CPNE8: variants seen among roughly 807,000 people sequenced by gnomAD.
The protein encoded by CPNE8 is copine-8.
A neutral mutation model predicts 81.5 loss-of-function variants in CPNE8; 45 were observed. The observed-to-expected ratio is 0.55, with a 90% CI of 0.44 to 0.71. The LOEUF is 0.71. Ranked by LOEUF, CPNE8 falls within the 30% of genes least tolerant of loss-of-function variation. The probability of loss-of-function intolerance (pLI) is 0.00; values close to 1 mark genes in which losing one functional copy is unlikely to be tolerated. For missense variants in CPNE8, 594 were observed against 672.1 expected, an observed-to-expected ratio of 0.88 and a Z score of 1.28; for synonymous variants, 252 against 226.3, an observed-to-expected ratio of 1.11 and a Z score of -1.02.
chr12:38,830,641 T>C (rs2137024190), intron 5 of CPNE8, among the ~76,000 whole-genome samples: 1 of 152,306 alleles, frequency 6.6e-6, no homozygotes, highest in East Asian at 1.9e-4. Context: ...CTAAGAAGGA[T>C]GGACAGAGAG....
At chr12:38,750,331 T>C (rs826866) in intron 10 of CPNE8, among the ~76,000 whole-genome samples, 19,939 of 152,152 alleles carry the variant, frequency 0.13, 1,602 homozygotes, top group East Asian at 0.26. Context: ...ACTGGGGCAC[T>C]ACCTAGTGGA....
At chr12:38,693,046 G>A (rs1281114092) in intron 15 of CPNE8, among the ~76,000 whole-genome samples, 4 of 152,134 alleles carry the variant, frequency 2.6e-5, no homozygotes, top group South Asian at 2.1e-4. Flanking sequence ...CAGGCCATAT[G>A]TAAAACAAGG....
intron 6 of CPNE8, among the ~76,000 whole-genome samples, chr12:38,801,828 G>T (rs1290236045): frequency 9.8e-6 from 1 of 102,064 alleles, no homozygotes; most frequent in Non-Finnish European, 2.0e-5. Flanking sequence ...CCAAGCCAAT[G>T]GAAAACAAAA....
At chr12:38,704,880 G>A (rs1402363539) in intron 13 of CPNE8, among the ~76,000 whole-genome samples, 2 of 95,452 alleles carry the variant, frequency 2.1e-5, no homozygotes, top group African/African-American at 3.6e-5. Context: ...TTCGGCACAT[G>A]GTTGTTACCC....
At chr12:38,777,997 G>A (rs1449408647) in intron 6 of CPNE8, among the ~76,000 whole-genome samples, 3 of 152,170 alleles carry the variant, frequency 2.0e-5, no homozygotes, top group African/African-American at 7.2e-5. Context: ...TCTAATGCCT[G>A]ATGATCTGTC....
At chr12:38,698,851 T>G (rs1216869381) in intron 14 of CPNE8, among the ~76,000 whole-genome samples, 4 of 152,248 alleles carry the variant, frequency 2.6e-5, no homozygotes, top group Non-Finnish European at 4.4e-5. Context: ...TTCAATGTTC[T>G]TTTTCAAGTT....
chr12:38,830,426 A>G (rs188486504), intron 5 of CPNE8, among the ~76,000 whole-genome samples: 4 of 152,340 alleles, frequency 2.6e-5, no homozygotes, highest in East Asian at 3.9e-4. Context: ...TTTAAATACC[A>G]TAAGTACAGT....
intron 1 of CPNE8, among the ~76,000 whole-genome samples, chr12:38,902,350 A>G (rs1476416954): frequency 1.0e-5 from 1 of 96,478 alleles, no homozygotes. Flanking sequence ...GAAAGAAAGA[A>G]AGAAAGAAAG....
In CPNE8 at chr12:38,767,751, T is replaced by C. The variant is rs1941719888; in HGVS notation, c.472-13A>G. The C allele has an allele frequency of 1.4e-6, 2 of 1,480,426 alleles. No homozygotes were observed. The highest frequency in any genetic ancestry group is 1.8e-6 in the Non-Finnish European group (2 of 1,107,170). The allele number at this position is 1,480,426 out of a possible 1,614,324, so 91.7% of individuals were successfully genotyped here. A position where few individuals can be genotyped will look rare whatever the true frequency, so the allele number is the denominator to read the frequency against. ...TCAAAACGGCATCCTAAAAACAAAA[T>C]TAATAAAACAGTTCAAGATTTGGGC... On this transcript the variant is annotated splice_polypyrimidine_tract_variant and intron_variant, in intron 7 of 19. Coordinates refer to ENST00000331366, the MANE Select transcript of CPNE8 (RefSeq NM_153634.3).
At chr12:38,707,669 T>TG (rs1308720862) in intron 13 of CPNE8, among the ~76,000 whole-genome samples, 1 of 152,214 alleles carries the variant, frequency 6.6e-6, no homozygotes, top group Non-Finnish European at 1.5e-5. Context: ...TGATGACTGA[T>TG]TGATGACAAG....
At chr12:38,772,285 A>C (rs1407772711) in intron 7 of CPNE8, among the ~76,000 whole-genome samples, 2 of 152,202 alleles carry the variant, frequency 1.3e-5, no homozygotes, top group Non-Finnish European at 2.9e-5. Flanking sequence ...AAAATAAGTT[A>C]CCTACTCTCA....
intron 16 of CPNE8, among the ~76,000 whole-genome samples, chr12:38,680,811 T>C (rs1389673470): frequency 6.6e-6 from 1 of 151,976 alleles, no homozygotes; most frequent in Non-Finnish European, 1.5e-5. Context: ...ATTATTTAAT[T>C]TGAAAATTAG....
chr12:38,863,893 A>C (rs1943876860), intron 3 of CPNE8, among the ~76,000 whole-genome samples: 1 of 151,964 alleles, frequency 6.6e-6, no homozygotes, highest in African/African-American at 2.4e-5. Flanking sequence ...CTACTAAAAA[A>C]TACAAAAAAA....
At chr12:38,868,942 T>A (rs1943953200) in intron 3 of CPNE8, among the ~76,000 whole-genome samples, 1 of 152,144 alleles carries the variant, frequency 6.6e-6, no homozygotes, top group Admixed American at 6.5e-5. Context: ...GAAATGTAGA[T>A]AAAAAAGCAA....
At chr12:38,808,277 C>T (rs1942861752) in intron 6 of CPNE8, among the ~76,000 whole-genome samples, 1 of 152,100 alleles carries the variant, frequency 6.6e-6, no homozygotes, top group South Asian at 2.1e-4. Flanking sequence ...GAGTATAAAT[C>T]ATGCTGCTAT....
chr12:38,746,385 A>T (rs1941228097), intron 10 of CPNE8, among the ~76,000 whole-genome samples: 1 of 152,192 alleles, frequency 6.6e-6, no homozygotes, highest in East Asian at 1.9e-4. Context: ...TTTCTCATGC[A>T]TGTTACAATA....
intron 5 of CPNE8, among the ~76,000 whole-genome samples, chr12:38,831,908 C>A (rs577249634): frequency 1.8e-4 from 27 of 152,256 alleles, no homozygotes; most frequent in African/African-American, 6.0e-4. Context: ...ATGGACTTTG[C>A]CAATGGAGTA....
Position 38,693,956 on chromosome 12 carries a change from C to T in CPNE8, c.962-118G>A, listed in dbSNP as rs895624794. 11 of 670,744 alleles carry T rather than the reference C, an allele frequency of 1.6e-5. No homozygotes were observed. In the African/African-American group the frequency reaches 1.9e-4, roughly 11 times the overall value. 41.5% of individuals were successfully genotyped at this position (670,744 alleles called of 1,614,324 possible). On this transcript the variant is annotated intron_variant, in intron 14 of 19. Transcript: ENST00000331366. ...AAAATTATGTTTTTCTGCCTATATA[C>T]AGTGTGTCAAATCATTTCTTTTTGG...
intron 4 of CPNE8, among the ~76,000 whole-genome samples, chr12:38,844,678 T>A (rs1943524701): frequency 6.6e-6 from 1 of 152,132 alleles, no homozygotes; most frequent in Admixed American, 6.5e-5. Context: ...GTAGCAGAAA[T>A]AAGTTGTCTC....
Sources: gnomAD v4.1 joint callset for allele counts (sites outside exome capture counted in the v4.1 genomes callset) on GRCh38, gnomAD v4.1.1 for gene constraint, MANE v1.5 for transcripts, NCBI Gene and HGNC (gene_info 2026-07-23, HGNC 2026-07-21) for gene names.